Variants in USH2A observed in about 807,000 individuals in gnomAD.
USH2A encodes the protein Usher syndrome 2A (autosomal recessive, mild).
USH2A carries 443 observed loss-of-function variants against 538.9 expected under a neutral mutation model. The observed-to-expected ratio is 0.82, with a 90% CI of 0.76 to 0.89. The LOEUF (loss-of-function observed/expected upper bound fraction) is 0.89. USH2A is among the 40% of genes least tolerant of loss of function. USH2A has a pLI of 0.00. For synonymous variants in USH2A, 2,413 were observed against 2,273.5 expected, an observed-to-expected ratio of 1.06 and a Z score of -1.75; for missense variants, 6,633 against 6,324.8, an observed-to-expected ratio of 1.05 and a Z score of -1.65.
intron 44 of USH2A, among the ~76,000 whole-genome samples, chr1:215,864,317 C>T (rs1664413683): frequency 1.3e-5 from 2 of 152,012 alleles, no homozygotes; most frequent in African/African-American, 4.8e-5. Context: ...TTGTGCTTTT[C>T]TGAGGATTGT....
chr1:216,238,654 C>T (rs906503160), intron 13 of USH2A, among the ~76,000 whole-genome samples: 2 of 152,174 alleles, frequency 1.3e-5, no homozygotes, highest in Admixed American at 1.3e-4. Flanking sequence ...ATAAATTTTA[C>T]TTGAATTAAA....
intron 13 of USH2A, among the ~76,000 whole-genome samples, chr1:216,239,827 G>C (rs1333448538): frequency 6.6e-6 from 1 of 152,072 alleles, no homozygotes; most frequent in Non-Finnish European, 1.5e-5. Context: ...ATACTTGAAG[G>C]TAAAATCAGC....
intron 64 of USH2A, among the ~76,000 whole-genome samples, chr1:215,656,024 G>A (rs565762283): frequency 6.6e-5 from 10 of 152,246 alleles, no homozygotes; most frequent in South Asian, 4.2e-4. Flanking sequence ...GTAAGCCACC[G>A]CGCCCGGCCT....
At chr1:215,727,192 TACATATATACACACACATACATACAC>T (rs1297815595) in intron 61 of USH2A, among the ~76,000 whole-genome samples, 1 of 152,034 alleles carries the variant, frequency 6.6e-6, no homozygotes, top group South Asian at 2.1e-4. Context: ...TATACATAAA[TACATATATACACACACATACATACAC>T]ACATATATAC....
At position 215,674,727 on chromosome 1, in the gene USH2A, T is replaced by C; in HGVS notation, c.13184A>G (p.Asn4395Ser). The C allele has an allele frequency of 6.2e-7, 1 of 1,614,104 alleles. No homozygotes were observed. The highest frequency in any genetic ancestry group is 1.1e-5 in the South Asian group (1 of 91,074). Residue 4395 changes from asparagine (N) to serine (S), a missense_variant, in exon 63 of 72, where the codon AAT (asparagine) becomes AGT (serine). Transcript: ENST00000307340. ...GCCCTGGCCAGCAAGGGACTCTTTATTATCATATCTAACTAAATATTTAGT... is the reference window on the plus strand; with the variant it reads ...GCCCTGGCCAGCAAGGGACTCTTTACTATCATATCTAACTAAATATTTAGT... ...KITKYLVRYD[N>S]KESLAGQGLC...
chr1:216,050,583 T>TC lies in USH2A; in HGVS notation c.6050-1937dup, dbSNP rs376056256. ...CTTTTTCTTTCTTTCTTTCTTTCTT[T>TC]CTTTCTTTCTTTCTTTCTTTCTTTT... On this transcript the variant is annotated intron_variant, in intron 30 of 71. Coordinates refer to ENST00000307340, the MANE Select transcript of USH2A (RefSeq NM_206933.4). 3.1e-4 allele frequency among the ~76,000 whole-genome samples: 11 copies of TC among 35,844 alleles called. 1 individual carries two copies. Among genetic ancestry groups the TC allele is most frequent in the Admixed American group, 8.5e-4 (3 of 3,550 alleles). The allele number at this position is 35,844 out of a possible 152,430, so 23.5% of individuals were successfully genotyped here. A position where few individuals can be genotyped will look rare whatever the true frequency, so the allele number is the denominator to read the frequency against.
intron 9 of USH2A, among the ~76,000 whole-genome samples, chr1:216,308,186 T>C (rs1290994572): frequency 6.6e-6 from 1 of 152,234 alleles, no homozygotes. Context: ...AAACAAGCTT[T>C]CTGTAGTATG....
chr1:216,241,432 C>T (rs1271316333), intron 13 of USH2A, among the ~76,000 whole-genome samples: 1 of 152,066 alleles, frequency 6.6e-6, no homozygotes, highest in Non-Finnish European at 1.5e-5. Flanking sequence ...AATGGCAATA[C>T]TGGATAATAA....
chr1:215,667,407 C>CTCCAGATA (rs906494497), intron 64 of USH2A, among the ~76,000 whole-genome samples: 1 of 152,144 alleles, frequency 6.6e-6, no homozygotes, highest in African/African-American at 2.4e-5. Flanking sequence ...GTATCCATTT[C>CTCCAGATA]TCCAGATATT....
intron 61 of USH2A, among the ~76,000 whole-genome samples, chr1:215,696,674 C>A (rs1464256144): frequency 6.6e-6 from 1 of 152,070 alleles, no homozygotes; most frequent in Non-Finnish European, 1.5e-5. Context: ...GAAGAGTTAG[C>A]GGATACAGAC....
rs2037707885 is a variant in USH2A, at chr1:216,325,347, T to TTGATTAAGC, written c.1092_1100dup (p.Leu365_Gln367dup). ...CCAAATCAACTGAAATAGTCACTCC[T>TTGATTAAGC]TGATTAAGCTGTGTAATGTTTGTAA... is the stretch of plus-strand genomic sequence containing the variant. On this transcript the variant is annotated inframe_insertion, in exon 6 of 72. Transcript: ENST00000307340. 1 of 1,613,874 alleles carries TTGATTAAGC rather than the reference T, an allele frequency of 6.2e-7. No homozygotes were observed.
At chr1:216,416,851 A>C (rs941845871) in intron 3 of USH2A, among the ~76,000 whole-genome samples, 3 of 152,178 alleles carry the variant, frequency 2.0e-5, no homozygotes, top group Middle Eastern at 3.2e-3. Context: ...TGATACAAAA[A>C]TATGCAACAA....
chr1:216,327,623 A>G lies in USH2A; in HGVS notation c.816T>C (p.Asp272=). The change falls in exon 5 of 72, where the codon GAT becomes GAC. Residue 272 remains aspartate, a synonymous_variant. Transcript: ENST00000307340. ...GLEQFVGRMQ[D]FRLYQVALTN... ...TAAGTGCCACTTGGTATAATCGAAA[A>G]TCTTGCATTCTTCCGACAAACTGCT... The G allele has an allele frequency of 6.2e-7, 1 of 1,613,252 alleles. No homozygotes were observed. Among genetic ancestry groups the G allele is most frequent in the Non-Finnish European group, 8.5e-7 (1 of 1,179,508 alleles).
At position 215,674,383 on chromosome 1, in the gene USH2A, T is replaced by C. The variant is rs2102665034; in HGVS notation, c.13528A>G (p.Thr4510Ala). The C allele has an allele frequency of 6.2e-7, 1 of 1,614,142 alleles. No homozygotes were observed. Among genetic ancestry groups the C allele is most frequent in the Non-Finnish European group, 8.5e-7 (1 of 1,180,014 alleles). ...ATACCCCCTTGGCTGTTGCTGGCAG[T>C]TACTGTGTAGCTATACTCCACACCT... ...TPGVEYSYTV[T>A]ASNSQGGILS... is the part of the protein sequence containing the mutation. Residue 4510 changes from threonine to alanine, a missense_variant, in exon 63 of 72, where the codon ACT becomes GCT. Thr to Ala is a moderately conservative substitution (Grantham distance 58, BLOSUM62 0). Transcript: ENST00000307340.
chr1:216,101,627 G>A (rs1220730728), intron 21 of USH2A, among the ~76,000 whole-genome samples: 1 of 152,186 alleles, frequency 6.6e-6, no homozygotes, highest in Non-Finnish European at 1.5e-5. Flanking sequence ...TAATGTTTGT[G>A]TTAAGCTGAA....
intron 4 of USH2A, among the ~76,000 whole-genome samples, chr1:216,355,356 A>AAAGAAAGAAAG (rs1460976854): frequency 6.6e-6 from 1 of 151,392 alleles, no homozygotes; most frequent in African/African-American, 2.4e-5. Flanking sequence ...AGAAAGAAAG[A>AAAGAAAGAAAG]AAGAAAGAAA....
At chr1:216,414,264 C>T (rs754847394) in intron 3 of USH2A, among the ~76,000 whole-genome samples, 21 of 151,818 alleles carry the variant, frequency 1.4e-4, no homozygotes, top group Non-Finnish European at 2.8e-4. Flanking sequence ...ATATTAAACC[C>T]CAAAGTAAAA....
At chr1:215,877,690 A>C (rs1664806801) in intron 43 of USH2A, 68 bp downstream of exon 43, 5 of 1,605,420 alleles carry the variant, frequency 3.1e-6, no homozygotes, top group East Asian at 2.2e-5. Flanking sequence ...ACACTGAGAT[A>C]CTTTGAACTA....
chr1:215,809,948 G>A (rs568713123), intron 49 of USH2A, among the ~76,000 whole-genome samples: 47 of 152,190 alleles, frequency 3.1e-4, no homozygotes, highest in African/African-American at 1.0e-3. Context: ...TGTAACCAGT[G>A]TTAAACTAGC....
Sources: allele counts gnomAD v4.1 joint callset (sites outside exome capture counted in the v4.1 genomes callset), GRCh38; gene constraint gnomAD v4.1.1; transcripts MANE v1.5; gene names NCBI Gene and HGNC (gene_info 2026-07-23, HGNC 2026-07-21).